CHCHD3: variants seen among roughly 807,000 people sequenced by gnomAD.
CHCHD3 encodes the protein MICOS complex subunit MIC19.
CHCHD3 carries 20 observed loss-of-function variants against 38.2 expected under a neutral mutation model. That is an observed-to-expected ratio of 0.52 (90% CI 0.37 to 0.76). CHCHD3 has a LOEUF of 0.76. CHCHD3 is among the 30% of genes least tolerant of loss of function. The probability of loss-of-function intolerance (pLI) is 0.00; values close to 1 mark genes in which losing one functional copy is unlikely to be tolerated. For missense variants in CHCHD3, 245 were observed against 279.2 expected, an observed-to-expected ratio of 0.88 and a Z score of 0.87; for synonymous variants, 82 against 100.0, an observed-to-expected ratio of 0.82 and a Z score of 1.07.
intron 6 of CHCHD3, among the ~76,000 whole-genome samples, chr7:132,825,324 GA>G (rs1348030488): frequency 1.3e-5 from 2 of 152,174 alleles, no homozygotes; most frequent in Non-Finnish European, 2.9e-5. Flanking sequence ...TTCACTAACA[GA>G]AAAGAACTCC....
intron 6 of CHCHD3, among the ~76,000 whole-genome samples, chr7:132,818,208 T>C (rs1297971944): frequency 6.6e-6 from 1 of 152,226 alleles, no homozygotes; most frequent in African/African-American, 2.4e-5. Context: ...ACCAGACAGT[T>C]TCTTGTACAG....
intron 6 of CHCHD3, among the ~76,000 whole-genome samples, chr7:132,799,727 T>C (rs1336135294): frequency 6.6e-6 from 1 of 152,192 alleles, no homozygotes; most frequent in Non-Finnish European, 1.5e-5. Flanking sequence ...AATATACATG[T>C]AACAAAAACA....
At chr7:133,037,143 C>T (rs747734692) in intron 2 of CHCHD3, among the ~76,000 whole-genome samples, 11 of 152,012 alleles carry the variant, frequency 7.2e-5, no homozygotes, top group Non-Finnish European at 1.5e-4. Flanking sequence ...TGAATGATGA[C>T]GAGACCAAAG....
At chr7:132,942,889 T>C (rs186223349) in intron 4 of CHCHD3, among the ~76,000 whole-genome samples, 2 of 152,276 alleles carry the variant, frequency 1.3e-5, no homozygotes, top group Admixed American at 1.3e-4. Context: ...AGCCTACCAC[T>C]AGGTATCTGG....
chr7:132,804,372 TTTTTAGGTGA>T (rs568305657), intron 6 of CHCHD3, among the ~76,000 whole-genome samples: 5 of 152,294 alleles, frequency 3.3e-5, no homozygotes, highest in Admixed American at 2.6e-4. Flanking sequence ...GGAGCTTCTA[TTTTTAGGTGA>T]TTATAATTTT....
In CHCHD3 at chr7:132,796,505, G is replaced by A; in HGVS notation, c.597C>T (p.His199=). ...KILQCYRENT[H]QTLKCSALAT... The stretch of plus-strand genomic sequence containing the variant: ...CCAGAGCGGAGCATTTGAGGGTCTG[G>A]TGGGTGTTCTCACGGTAACACTGAA... The change falls in exon 7 of 8, where the codon CAC becomes CAT. Residue 199 remains histidine, a synonymous_variant. Coordinates refer to ENST00000262570, the MANE Select transcript of CHCHD3 (RefSeq NM_017812.4). 1 of 1,613,898 alleles carries A rather than the reference G, an allele frequency of 6.2e-7. No individual in the cohort carries two copies. The highest frequency in any genetic ancestry group is 8.5e-7 in the Non-Finnish European group (1 of 1,179,868).
intron 2 of CHCHD3, among the ~76,000 whole-genome samples, chr7:133,040,507 T>C (rs950793501): frequency 2.3e-4 from 35 of 152,206 alleles, no homozygotes; most frequent in African/African-American, 8.4e-4. Context: ...ATATACTTAA[T>C]GAAGTAACCC....
At chr7:132,901,620 GA>G (rs1353087695) in intron 4 of CHCHD3, among the ~76,000 whole-genome samples, 1 of 152,198 alleles carries the variant, frequency 6.6e-6, no homozygotes, top group African/African-American at 2.4e-5. Context: ...CTTCTTTTGA[GA>G]AGTGTCTGTT....
chr7:132,997,956 A>G (rs552871750), intron 3 of CHCHD3, among the ~76,000 whole-genome samples: 1 of 152,354 alleles, frequency 6.6e-6, no homozygotes, highest in African/African-American at 2.4e-5. Context: ...TTTAAAAATA[A>G]ATAAATACTG....
chr7:133,022,673 T>C (rs1813222279), intron 3 of CHCHD3, among the ~76,000 whole-genome samples: 1 of 152,142 alleles, frequency 6.6e-6, no homozygotes, highest in Non-Finnish European at 1.5e-5. Context: ...TCTGCTCTCC[T>C]TAAAGGTGAC....
At chr7:132,953,500 A>G (rs1351802966) in intron 4 of CHCHD3, among the ~76,000 whole-genome samples, 16 of 152,178 alleles carry the variant, frequency 1.1e-4, no homozygotes, top group Admixed American at 1.0e-3. Flanking sequence ...AGACTGGACT[A>G]CTGGACAACT....
chr7:132,914,086 A>G (rs1269335184), intron 4 of CHCHD3, among the ~76,000 whole-genome samples: 1 of 147,820 alleles, frequency 6.8e-6, no homozygotes, highest in Admixed American at 6.7e-5. Context: ...CAGCCTCCCG[A>G]GTAGCTGGGA....
intron 2 of CHCHD3, among the ~76,000 whole-genome samples, chr7:133,054,344 G>C (rs543859602): frequency 6.6e-6 from 1 of 152,212 alleles, no homozygotes; most frequent in Non-Finnish European, 1.5e-5. Context: ...ATTCTGCATA[G>C]GCTCACAAGA....
intron 5 of CHCHD3, among the ~76,000 whole-genome samples, chr7:132,860,041 G>A (rs1179262201): frequency 6.6e-6 from 1 of 152,162 alleles, no homozygotes; most frequent in Admixed American, 6.5e-5. Flanking sequence ...GGAAGTCAGT[G>A]AGGCAGATTG....
intron 3 of CHCHD3, among the ~76,000 whole-genome samples, chr7:132,990,797 ACAAT>A (rs754855617): frequency 4.6e-5 from 7 of 152,138 alleles, no homozygotes; most frequent in Admixed American, 2.6e-4. Flanking sequence ...ATGGAGGAAA[ACAAT>A]CAATAATTCT....
intron 4 of CHCHD3, among the ~76,000 whole-genome samples, chr7:132,970,664 A>C (rs180817426): frequency 7.2e-4 from 110 of 152,362 alleles, no homozygotes; most frequent in Non-Finnish European, 1.3e-3. Context: ...AATTTCATAC[A>C]GTAAGCACTC....
chr7:132,992,425 C>A (rs543253383), intron 3 of CHCHD3, among the ~76,000 whole-genome samples: 39 of 152,242 alleles, frequency 2.6e-4, no homozygotes, highest in African/African-American at 8.9e-4. Flanking sequence ...CCCACAGAGC[C>A]TCTCCTCCAA....
intron 6 of CHCHD3, among the ~76,000 whole-genome samples, chr7:132,798,412 T>G (rs1443303120): frequency 6.6e-6 from 1 of 152,086 alleles, no homozygotes; most frequent in African/African-American, 2.4e-5. Context: ...ACATCAGGAT[T>G]TAAAAGGAAT....
At chr7:132,879,529 A>G (rs1313559591) in intron 5 of CHCHD3, among the ~76,000 whole-genome samples, 1 of 151,972 alleles carries the variant, frequency 6.6e-6, no homozygotes, top group African/African-American at 2.4e-5. Flanking sequence ...CTGGGGAGAC[A>G]AGGCCCTTCA....
Sources: gnomAD v4.1 joint callset for allele counts (sites outside exome capture counted in the v4.1 genomes callset) on GRCh38, gnomAD v4.1.1 for gene constraint, MANE v1.5 for transcripts, NCBI Gene and HGNC (gene_info 2026-07-23, HGNC 2026-07-21) for gene names.